The following GPR137 variants were observed in gnomAD, a reference collection of about 807,000 sequenced individuals.
GPR137 encodes the protein integral membrane protein GPR137.
GPR137 carries 20 observed loss-of-function variants against 38.9 expected under a neutral mutation model. The observed-to-expected ratio is 0.51, with a 90% confidence interval of 0.36 to 0.75. The LOEUF (loss-of-function observed/expected upper bound fraction) is 0.75, where lower values mean the gene tolerates loss of function less well. Among genes scored for constraint, GPR137 ranks in the 30% least tolerant of loss-of-function variants. The pLI is 0.00. For missense variants in GPR137, 456 were observed against 526.4 expected (o/e 0.87, Z 1.31); for synonymous variants, 226 against 235.8 (o/e 0.96, Z 0.38).
At position 64,286,474 on chromosome 11, in the gene GPR137, G is replaced by GCCGA. The variant is rs1474485875; in HGVS notation, c.-49_-46dup. On this transcript the variant is annotated 5_prime_UTR_variant, in exon 1 of 7. Coordinates refer to ENST00000438980, the MANE Select transcript of GPR137 (RefSeq NM_001170880.2). ...CCTCCGTATTTATTTCCCTGGTCCC[G>GCCGA]CCGACAGTCCCTCCTTGTCTGTCTC... is the stretch of plus-strand genomic sequence containing the variant. 1 of 1,560,458 alleles carries GCCGA rather than the reference G, an allele frequency of 6.4e-7. No individual in the cohort carries two copies. The highest frequency in any genetic ancestry group is 8.7e-7 in the Non-Finnish European group (1 of 1,150,674).
rs781275629 is a variant in GPR137 at position 64,287,876 on chromosome 11, T to C, written c.563T>C (p.Leu188Pro). ...GACTCCCTGTTCGTCATCTGCGCGCTGTCTCTTGCTGCCTGCCTCTGCCTC... is the reference window on the plus strand; with the variant it reads ...GACTCCCTGTTCGTCATCTGCGCGCCGTCTCTTGCTGCCTGCCTCTGCCTC... ...VSDSLFVICA[L>P]SLAACLCLVA... is the part of the protein sequence containing the mutation. Residue 188 changes from leucine (L) to proline (P), a missense_variant, in exon 3 of 7, where the codon CTG becomes CCG. Leu to Pro is a moderately conservative substitution (Grantham distance 98). Coordinates refer to ENST00000438980, the MANE Select transcript of GPR137 (RefSeq NM_001170880.2). 1 of 1,603,964 alleles carries C rather than the reference T, an allele frequency of 6.2e-7. No homozygotes were observed.
At position 64,288,258 on chromosome 11, in the gene GPR137, C is replaced by A. The variant is rs1406696188; in HGVS notation, c.783+44C>A. The A allele has an allele frequency of 6.2e-7, 1 of 1,609,460 alleles. No homozygotes were observed. Among genetic ancestry groups the A allele is most frequent in the Non-Finnish European group, 8.5e-7 (1 of 1,177,494 alleles). On this transcript the variant is annotated intron_variant, in intron 4 of 6. Transcript: ENST00000438980. This position sits in a 1 kb window ranked among gnomAD's most constrained non-coding sequence, Gnocchi z 5.5. ...GCCACCTCCTTAGTAGCCGTGGCACCTTGGCCCCAGCTGGCCTGGGCCCTG... is the reference window on the plus strand; with the variant it reads ...GCCACCTCCTTAGTAGCCGTGGCACATTGGCCCCAGCTGGCCTGGGCCCTG...
Position 64,286,489 on chromosome 11 carries a change from T to C in GPR137, c.-36T>C. 1 of 1,585,258 alleles carries C rather than the reference T, an allele frequency of 6.3e-7. No homozygotes were observed. The highest frequency in any genetic ancestry group is 8.6e-7 in the Non-Finnish European group (1 of 1,164,092). ...CCCTGGTCCCGCCGACAGTCCCTCC[T>C]TGTCTGTCTCCGGGATTCAGGCCTC... On this transcript the variant is annotated 5_prime_UTR_variant, in exon 1 of 7. Transcript: ENST00000438980.
At position 64,288,663 on chromosome 11, in the gene GPR137, G is replaced by C; in HGVS notation, c.973G>C (p.Ala325Pro). 4 of 1,600,762 alleles carry C rather than the reference G, an allele frequency of 2.5e-6. No individual in the cohort carries two copies. The highest frequency in any genetic ancestry group is 3.4e-6 in the Non-Finnish European group (4 of 1,172,688). The change falls in exon 6 of 7, where the codon GCT becomes CCT. Residue 325 changes from alanine (A) to proline (P), a missense_variant. Coordinates refer to ENST00000438980, the MANE Select transcript of GPR137 (RefSeq NM_001170880.2). The surrounding 1 kb of genome is among the most constrained non-coding windows in gnomAD (Gnocchi z 5.5). ...FASRSYFFDR[A>P]GHCEDEGCSW... ...CTCTCGGTCCTACTTCTTTGACCGG[G>C]CTGGGCACTGTGAAGATGAGGGCTG... is the stretch of plus-strand genomic sequence containing the variant.
rs1565363421 is a variant in GPR137 at position 64,288,700 on chromosome 11, A to G, written c.1010A>G (p.His337Arg). Residue 337 changes from histidine (H) to arginine (R), a missense_variant, in exon 6 of 7, where the codon CAC becomes CGC. His to Arg is a conservative substitution (Grantham distance 29, BLOSUM62 0). Transcript: ENST00000438980. The surrounding 1 kb of genome is among the most constrained non-coding windows in gnomAD (Gnocchi z 5.5). ...HCEDEGCSWEHSRGESTSMSG... is the reference protein window; with the variant it reads ...HCEDEGCSWERSRGESTSMSG... ...GAAGATGAGGGCTGCTCCTGGGAGC[A>G]CAGCCGGGGTGAGAGCACCAGGTAG... 6.4e-7 allele frequency: 1 copy of G among 1,573,130 alleles called. No individual in the cohort carries two copies.
intron 1 of GPR137, among the ~76,000 whole-genome samples, chr11:64,276,086 TGCCTTGGAGGCCTAGGCTGGGGAAG>T (rs1219409476): frequency 6.6e-6 from 1 of 152,152 alleles, no homozygotes; most frequent in Non-Finnish European, 1.5e-5. Context: ...TACCTTGGGC[TGCCTTGGAGGCCTAGGCTGGGGAAG>T]GCCCCTTTGG....
At chr11:64,279,325 T>C (rs914591472) in intron 2 of GPR137, among the ~76,000 whole-genome samples, 1 of 152,152 alleles carries the variant, frequency 6.6e-6, no homozygotes, top group African/African-American at 2.4e-5. Context: ...TCAGCCAGCT[T>C]GGACCCCACA....
chr11:64,283,240 T>C (rs2033607363), upstream of GPR137, among the ~76,000 whole-genome samples: 1 of 152,266 alleles, frequency 6.6e-6, no homozygotes, highest in South Asian at 2.1e-4. Flanking sequence ...GTTTTCTATT[T>C]TTAGAGATGG....
intron 2 of GPR137, chr11:64,276,822 G>A (rs961804421): frequency 5.8e-6 from 4 of 688,832 alleles, no homozygotes; most frequent in East Asian, 2.7e-5. Flanking sequence ...CTTGCCATCC[G>A]CCTAGAGCCT....
upstream of GPR137, among the ~76,000 whole-genome samples, chr11:64,280,919 C>T (rs922258022): frequency 6.6e-6 from 1 of 151,728 alleles, no homozygotes; most frequent in Non-Finnish European, 1.5e-5. Context: ...CTGCCTGCCT[C>T]AGCCTCCCGA....
chr11:64,272,197 T>C (rs1466323783), upstream of GPR137, among the ~76,000 whole-genome samples: 1 of 152,044 alleles, frequency 6.6e-6, no homozygotes, highest in Non-Finnish European at 1.5e-5. Flanking sequence ...CACGTGCCTA[T>C]AGTCCCAGTT....
upstream of GPR137, chr11:64,285,417 G>GGCCCGC (rs1419104768): frequency 2.0e-6 from 2 of 984,570 alleles, no homozygotes; most frequent in East Asian, 2.3e-4. Context: ...GCGAGGGGCG[G>GGCCCGC]GCCCGCGCGG....
upstream of GPR137, chr11:64,285,533 G>A (rs2135164954): frequency 2.0e-6 from 2 of 985,018 alleles, no homozygotes; most frequent in South Asian, 4.7e-5. Flanking sequence ...ATCCGTTGCC[G>A]CCCCCGGCCG....
chr11:64,283,393 C>G (rs2033614794), upstream of GPR137, among the ~76,000 whole-genome samples: 1 of 152,194 alleles, frequency 6.6e-6, no homozygotes, highest in Non-Finnish European at 1.5e-5. Context: ...GTTCCAGGTG[C>G]CAAGGCCAGT....
Position 64,286,789 on chromosome 11 carries a change from C to A in GPR137, c.265C>A (p.Arg89Ser). The part of the protein sequence containing the change: ...FYFRDTPRAN[R>S]LGPLPFWLLY... ...CTTCCGAGATACTCCCCGCGCCAAC[C>A]GCCTGGGGCCCTTGCCCTTCTGGCT... The change falls in exon 1 of 7, where the codon CGC becomes AGC. Residue 89 changes from arginine to serine, a missense_variant. Arg to Ser is a moderately radical substitution (Grantham distance 110). Transcript: ENST00000438980. The A allele has an allele frequency of 6.2e-7, 1 of 1,607,326 alleles. No individual in the cohort carries two copies. The highest frequency in any genetic ancestry group is 8.5e-7 in the Non-Finnish European group (1 of 1,175,706).
rs770044906 is a variant in GPR137 at position 64,289,029 on chromosome 11, TG to T, written c.1032-7del. ...TGTCCTGAGACTGACCCTGTTTCTC[TG>T]CTGCAGTATGTCGGGCAGTCTAGGC... On this transcript the variant is annotated splice_polypyrimidine_tract_variant and splice_region_variant and intron_variant, in intron 6 of 6. Transcript: ENST00000438980. 7.9e-5 allele frequency: 121 copies of T among 1,541,278 alleles called. No homozygotes were observed. Among genetic ancestry groups the T allele is most frequent in the Non-Finnish European group, 9.8e-5 (112 of 1,147,550 alleles).
upstream of GPR137, chr11:64,271,500 G>A: frequency 8.8e-7 from 1 of 1,130,608 alleles, no homozygotes; most frequent in East Asian, 3.2e-5. Context: ...GGACGGCTTT[G>A]GGGAGGGGTC....
upstream of GPR137, among the ~76,000 whole-genome samples, chr11:64,279,339 A>G (rs1182557449): frequency 6.6e-6 from 1 of 151,804 alleles, no homozygotes; most frequent in Non-Finnish European, 1.5e-5. Flanking sequence ...CCCCACATCT[A>G]CCATTCCTTC....
Position 64,286,790 on chromosome 11 carries a change from G to T in GPR137, c.266G>T (p.Arg89Leu), listed in dbSNP as rs1208813876. The T allele has an allele frequency of 2.5e-6, 4 of 1,607,644 alleles. No individual in the cohort carries two copies. The highest frequency in any genetic ancestry group is 3.4e-5 in the Admixed American group (2 of 59,664). Residue 89 changes from arginine to leucine, a missense_variant, in exon 1 of 7, where the codon CGC (arginine) becomes CTC (leucine). Coordinates refer to ENST00000438980, the MANE Select transcript of GPR137 (RefSeq NM_001170880.2). The stretch of plus-strand genomic sequence containing the variant: ...TTCCGAGATACTCCCCGCGCCAACC[G>T]CCTGGGGCCCTTGCCCTTCTGGCTT... The part of the protein sequence containing the change: ...FYFRDTPRAN[R>L]LGPLPFWLLY...
Sources: gnomAD v4.1 joint callset for allele counts (sites outside exome capture counted in the v4.1 genomes callset) on GRCh38, gnomAD v4.1.1 for gene constraint, Gnocchi (gnomAD v3.1) non-coding constraint, MANE v1.5 for transcripts, NCBI Gene and HGNC (gene_info 2026-07-23, HGNC 2026-07-21) for gene names.